KIF26B: variants seen among roughly 807,000 people sequenced by gnomAD.
KIF26B encodes kinesin family member 26B, also known as kinesin-like protein KIF26B.
KIF26B carries 63 observed loss-of-function variants against 151.2 expected under a neutral mutation model. That is an observed-to-expected ratio of 0.42 (90% CI 0.34 to 0.51). KIF26B has a LOEUF of 0.51. KIF26B is among the 20% of genes least tolerant of loss of function. The pLI, the probability that KIF26B is intolerant of heterozygous loss-of-function variation, is 0.07. For synonymous variants in KIF26B, 1,357 were observed against 1,262.1 expected (o/e 1.08, Z -1.59); for missense variants, 2,813 against 2,913.6 (o/e 0.97, Z 0.79).
chr1:245,697,778 A>G (rs1180013846), intron 12 of KIF26B, among the ~76,000 whole-genome samples: 1 of 152,162 alleles, frequency 6.6e-6, no homozygotes, highest in Non-Finnish European at 1.5e-5. Flanking sequence ...AGTGGCTCAC[A>G]CTTGTAATCC....
intron 2 of KIF26B, among the ~76,000 whole-genome samples, chr1:245,192,930 G>C (rs1464342416): frequency 6.6e-6 from 1 of 152,184 alleles, no homozygotes; most frequent in Non-Finnish European, 1.5e-5. Context: ...CACTGTGCAG[G>C]TTTGTGATAC....
chr1:245,681,270 C>A (rs577610603), intron 10 of KIF26B, among the ~76,000 whole-genome samples: 1 of 150,838 alleles, frequency 6.6e-6, no homozygotes, highest in Non-Finnish European at 1.5e-5. Context: ...AGTGCAGTGG[C>A]GCGATCACGG....
At chr1:245,317,263 A>C (rs963962392) in intron 2 of KIF26B, among the ~76,000 whole-genome samples, 7 of 152,214 alleles carry the variant, frequency 4.6e-5, no homozygotes, top group African/African-American at 7.2e-5. Context: ...AAATCCTAAA[A>C]TTCTAGCTAA....
intron 2 of KIF26B, among the ~76,000 whole-genome samples, chr1:245,356,110 G>A (rs1042859157): frequency 9.2e-5 from 14 of 152,162 alleles, no homozygotes; most frequent in Non-Finnish European, 1.6e-4. Context: ...TGCGCAGGGG[G>A]CGTGGTGAGG....
chr1:245,636,997 T>G (rs953177658), intron 9 of KIF26B, among the ~76,000 whole-genome samples: 1 of 152,074 alleles, frequency 6.6e-6, no homozygotes, highest in African/African-American at 2.4e-5. Context: ...GATACCTCTT[T>G]GATATACTGA....
intron 5 of KIF26B, among the ~76,000 whole-genome samples, chr1:245,590,949 A>G (rs67665363): frequency 0.15 from 23,169 of 150,592 alleles, 2,149 homozygotes; most frequent in East Asian, 0.38. Context: ...ACGTTGGGCA[A>G]GTGTGGTGTC....
At chr1:245,690,988 T>A (rs1296312846) in intron 12 of KIF26B, among the ~76,000 whole-genome samples, 1 of 152,158 alleles carries the variant, frequency 6.6e-6, no homozygotes, top group Non-Finnish European at 1.5e-5. Context: ...AATGAACTCT[T>A]GTTATTCTAA....
chr1:245,169,662 G>C (rs1010508), intron 2 of KIF26B, among the ~76,000 whole-genome samples: 132,076 of 151,838 alleles, frequency 0.87, 58,726 homozygotes, highest in East Asian at 0.98. Flanking sequence ...TATATCCAAT[G>C]AGGCACTCTG....
chr1:245,532,487 C>T (rs56112298), intron 4 of KIF26B, among the ~76,000 whole-genome samples: 24,674 of 151,928 alleles, frequency 0.16, 2,508 homozygotes, highest in Middle Eastern at 0.26. Context: ...CCTCGTGATC[C>T]GCCTGCCTCG....
At chr1:245,340,830 G>A (rs1217049632) in intron 2 of KIF26B, among the ~76,000 whole-genome samples, 8 of 152,118 alleles carry the variant, frequency 5.3e-5, no homozygotes, top group African/African-American at 1.7e-4. Flanking sequence ...GTCTGGAGGC[G>A]GGGCAGCTTC....
intron 4 of KIF26B, among the ~76,000 whole-genome samples, chr1:245,494,462 T>C (rs1365061444): frequency 1.3e-5 from 2 of 152,320 alleles, no homozygotes; most frequent in East Asian, 3.9e-4. Context: ...GAGCTCAGTC[T>C]GGGATTGGTT....
chr1:245,325,515 C>A (rs1671972415), intron 2 of KIF26B, among the ~76,000 whole-genome samples: 1 of 152,170 alleles, frequency 6.6e-6, no homozygotes, highest in African/African-American at 2.4e-5. Context: ...GAGTTCGAGA[C>A]CAGCCTGACC....
At chr1:245,169,702 A>G (rs1182620223) in intron 2 of KIF26B, among the ~76,000 whole-genome samples, 1 of 152,110 alleles carries the variant, frequency 6.6e-6, no homozygotes, top group Non-Finnish European at 1.5e-5. Flanking sequence ...ACTTGGGGGA[A>G]GGAAGTTGCC....
intron 2 of KIF26B, among the ~76,000 whole-genome samples, chr1:245,211,680 G>A (rs1468849057): frequency 6.6e-6 from 1 of 152,164 alleles, no homozygotes; most frequent in Non-Finnish European, 1.5e-5. Flanking sequence ...TTAGAGATGT[G>A]AGCCACTGTG....
chr1:245,328,248 G>T (rs879244542), intron 2 of KIF26B, among the ~76,000 whole-genome samples: 1 of 151,514 alleles, frequency 6.6e-6, no homozygotes, highest in Admixed American at 6.6e-5. Flanking sequence ...TTATTTTGCA[G>T]GGGGGAGGGG....
At position 245,703,667 on chromosome 1, in the gene KIF26B, T is replaced by G. The variant is rs2044804043; in HGVS notation, c.*1061T>G. On this transcript the variant is annotated 3_prime_UTR_variant, in exon 15 of 15. Transcript: ENST00000407071. ...ACCAGAGCCATATTTCTTTCTTTAGTATTTTCTAGTGTTGTGTTGTAGATT... is the reference window on the plus strand; with the variant it reads ...ACCAGAGCCATATTTCTTTCTTTAGGATTTTCTAGTGTTGTGTTGTAGATT... 6.6e-6 allele frequency: 1 copy of G among 152,216 alleles called. No homozygotes were observed. Among genetic ancestry groups the G allele is most frequent in the African/African-American group, 2.4e-5 (1 of 41,454 alleles). The allele number at this position is 152,216 out of a possible 1,614,324, so 9.4% of individuals were successfully genotyped here. A position where few individuals can be genotyped will look rare whatever the true frequency, so the allele number is the denominator to read the frequency against.
intron 4 of KIF26B, among the ~76,000 whole-genome samples, chr1:245,446,495 G>A (rs561178261): frequency 1.3e-5 from 2 of 152,296 alleles, no homozygotes; most frequent in South Asian, 2.1e-4. Flanking sequence ...GAGTGTCTGT[G>A]TAGGTGACTG....
In KIF26B at chr1:245,708,415, A is replaced by G. The variant is rs2044868100; in HGVS notation, c.*5809A>G. 6.6e-6 allele frequency: 1 copy of G among 152,238 alleles called. No individual in the cohort carries two copies. Among genetic ancestry groups the G allele is most frequent in the Non-Finnish European group, 1.5e-5 (1 of 68,052 alleles). 9.4% of individuals were successfully genotyped at this position (152,238 alleles called of 1,614,324 possible). On this transcript the variant is annotated 3_prime_UTR_variant, in exon 15 of 15. Transcript: ENST00000407071. ...CAGCTTATTGGATTCTTCCCATCAG[A>G]TCATATTGCACCAGGTATGTGTAGA...
chr1:245,169,205 C>T (rs1462259106), intron 2 of KIF26B, among the ~76,000 whole-genome samples: 1 of 152,152 alleles, frequency 6.6e-6, no homozygotes, highest in Non-Finnish European at 1.5e-5. Context: ...CAGCCAGACA[C>T]ATCCAACCCA....
Sources: gnomAD v4.1 joint callset for allele counts (sites outside exome capture counted in the v4.1 genomes callset) on GRCh38, gnomAD v4.1.1 for gene constraint, MANE v1.5 for transcripts, NCBI Gene and HGNC (gene_info 2026-07-23, HGNC 2026-07-21) for gene names.